The following SMARCA4 variants were observed in gnomAD, a reference collection of about 807,000 sequenced individuals.
SMARCA4 encodes the protein SWI/SNF related BAF chromatin remodeling complex subunit ATPase 4.
A neutral mutation model predicts 193.9 loss-of-function variants in SMARCA4; 31 were observed. The observed-to-expected ratio is 0.16, with a 90% CI of 0.12 to 0.22. The LOEUF is 0.22. SMARCA4 is among the 10% of genes least tolerant of loss of function. SMARCA4 has a pLI of 1.00. For missense variants in SMARCA4, 1,148 were observed against 2,296.0 expected (o/e 0.50, Z 10.22); for synonymous variants, 942 against 933.1 (o/e 1.01, Z -0.17).
Position 10,987,142 on chromosome 19 carries a change from T to A in SMARCA4, c.859+139T>A. On this transcript the variant is annotated intron_variant, in intron 5 of 34. Transcript: ENST00000344626. The surrounding 1 kb of genome is among the most constrained non-coding windows in gnomAD (Gnocchi z 5.3). ...GCAGCCTGTACTTTTCTTGTGGTGG[T>A]CCCCGGGTCTCCCCTGTAGCCAGTC... The A allele has an allele frequency of 1.5e-6, 1 of 687,034 alleles. No individual in the cohort carries two copies. Among genetic ancestry groups the A allele is most frequent in the Non-Finnish European group, 2.6e-6 (1 of 380,754 alleles). The allele number at this position is 687,034 out of a possible 1,614,324, so 42.6% of individuals were successfully genotyped here. A position where few individuals can be genotyped will look rare whatever the true frequency, so the allele number is the denominator to read the frequency against.
At chr19:11,054,317 G>A (rs2076423393) in intron 30 of SMARCA4, among the ~76,000 whole-genome samples, 1 of 152,218 alleles carries the variant, frequency 6.6e-6, no homozygotes. Flanking sequence ...GCTGGTGTGT[G>A]CCCACCTCGG....
At chr19:10,996,455 T>C (rs1292700272) in intron 10 of SMARCA4, 39 bp from the exon 11 acceptor site, 2 of 1,613,710 alleles carry the variant, frequency 1.2e-6, no homozygotes, top group African/African-American at 2.7e-5. Flanking sequence ...GCCTCAGCCT[T>C]GTGGGTCAGG....
chr19:10,996,999 T>A (rs2087122627), intron 11 of SMARCA4, among the ~76,000 whole-genome samples: 6 of 151,566 alleles, frequency 4.0e-5, no homozygotes, highest in Admixed American at 2.6e-4. Flanking sequence ...GGGATTACGG[T>A]TATGCCCCAC....
chr19:11,051,808 G>A (rs2076278233), intron 30 of SMARCA4, among the ~76,000 whole-genome samples: 2 of 151,290 alleles, frequency 1.3e-5, no homozygotes, highest in South Asian at 4.3e-4. Flanking sequence ...TATTAAAATA[G>A]CAGATGAGGC....
chr19:10,973,104 A>C (rs1028841088), intron 1 of SMARCA4, among the ~76,000 whole-genome samples: 1 of 150,338 alleles, frequency 6.7e-6, no homozygotes, highest in African/African-American at 2.5e-5. Context: ...GCCAGAGTCC[A>C]TCTACAAAAA....
chr19:10,975,014 A>C (rs894788250), intron 1 of SMARCA4, among the ~76,000 whole-genome samples: 10 of 106,266 alleles, frequency 9.4e-5, no homozygotes, highest in Non-Finnish European at 1.4e-4. Flanking sequence ...ATATATAGTT[A>C]TTCTTTTTTT....
intron 18 of SMARCA4, 95 bp from the exon 19 acceptor site, chr19:11,021,630 G>T (rs1050946707): frequency 2.0e-6 from 3 of 1,478,352 alleles, no homozygotes; most frequent in Non-Finnish European, 2.8e-6. Flanking sequence ...TCCACCTGGA[G>T]CCTTCCTGGC....
intron 1 of SMARCA4, among the ~76,000 whole-genome samples, chr19:10,975,950 T>C (rs140574774): frequency 1.3e-5 from 2 of 152,292 alleles, no homozygotes; most frequent in Non-Finnish European, 2.9e-5. Context: ...TACTAACTAT[T>C]CTTGCCCTTT....
chr19:10,974,383 C>CT (rs1209035698), intron 1 of SMARCA4, among the ~76,000 whole-genome samples: 1 of 149,730 alleles, frequency 6.7e-6, no homozygotes, highest in African/African-American at 2.5e-5. Flanking sequence ...TGATCTTTCT[C>CT]TTTTATTTCC....
At chr19:11,010,317 G>A (rs2146229341) in intron 14 of SMARCA4, 64 bp from the exon 15 acceptor site, 1 of 1,569,528 alleles carries the variant, frequency 6.4e-7, no homozygotes. Context: ...CTTGTGTCAG[G>A]AGCCAGCACA....
chr19:11,017,073 C>T (rs754479050), intron 16 of SMARCA4, among the ~76,000 whole-genome samples: 7 of 152,088 alleles, frequency 4.6e-5, no homozygotes, highest in Non-Finnish European at 8.8e-5. Flanking sequence ...GTGCACGTAT[C>T]GTCTAAAAGG....
chr19:11,034,500 C>T lies in SMARCA4; in HGVS notation c.3951+300C>T, dbSNP rs560271172. 2.6e-5 allele frequency among the ~76,000 whole-genome samples: 4 copies of T among 152,172 alleles called. No homozygotes were observed. Among genetic ancestry groups the T allele is most frequent in the Admixed American group, 1.3e-4 (2 of 15,286 alleles). Reference sequence around the variant, plus strand: ...CATGCACTCCCTTTCAGAGGGAGTTCGCCCTATCCAAGGCCAAGGGACTGA... The same window carrying T: ...CATGCACTCCCTTTCAGAGGGAGTTTGCCCTATCCAAGGCCAAGGGACTGA... On this transcript the variant is annotated intron_variant, in intron 28 of 34. Coordinates refer to ENST00000344626, the MANE Select transcript of SMARCA4 (RefSeq NM_003072.5). The surrounding 1 kb of genome is among the most constrained non-coding windows in gnomAD (Gnocchi z 7.0).
Position 11,058,255 on chromosome 19 carries a change from C to T in SMARCA4, c.4425C>T (p.Ser1475=), listed in dbSNP as rs2147084582. 6.2e-7 allele frequency: 1 copy of T among 1,610,094 alleles called. No individual in the cohort carries two copies. Among genetic ancestry groups the T allele is most frequent in the Non-Finnish European group, 8.5e-7 (1 of 1,178,132 alleles). The change falls in exon 31 of 35, where the codon AGC becomes AGT. Residue 1475 remains serine, a splice_region_variant and synonymous_variant. Coordinates refer to ENST00000344626, the MANE Select transcript of SMARCA4 (RefSeq NM_003072.5). The surrounding 1 kb of genome is among the most constrained non-coding windows in gnomAD (Gnocchi z 5.8). ...IVDAVIKYKD[S]SSGRQLSEVF... ...GATAGCCGCCGGTTCTGCCTTGCAGCAGCAGTGGACGTCAGCTCAGCGAGG... is the reference window on the plus strand; with the variant it reads ...GATAGCCGCCGGTTCTGCCTTGCAGTAGCAGTGGACGTCAGCTCAGCGAGG...
intron 14 of SMARCA4, 98 bp downstream of exon 14, chr19:11,008,121 C>A (rs1196933735): frequency 1.6e-6 from 2 of 1,246,426 alleles, no homozygotes; most frequent in Non-Finnish European, 2.3e-6. Context: ...TGACATTCAG[C>A]ACTGTCCAGC....
At chr19:10,976,008 T>G (rs2085095838) in intron 1 of SMARCA4, among the ~76,000 whole-genome samples, 1 of 152,152 alleles carries the variant, frequency 6.6e-6, no homozygotes, top group Non-Finnish European at 1.5e-5. Context: ...TGAGTAGGTG[T>G]GGCCTCCTGG....
At chr19:11,059,010 C>T (rs1285150223) in intron 32 of SMARCA4, 121 bp downstream of exon 32, 8 of 793,740 alleles carry the variant, frequency 1.0e-5, no homozygotes, top group Admixed American at 2.0e-5. Flanking sequence ...TGTGGTGGTT[C>T]GTGCCTGTAA....
At chr19:11,004,650 G>C (rs1850980501) in intron 13 of SMARCA4, among the ~76,000 whole-genome samples, 1 of 152,102 alleles carries the variant, frequency 6.6e-6, no homozygotes, top group Non-Finnish European at 1.5e-5. Flanking sequence ...AACAGCATAT[G>C]GGTTTTGCAT....
chr19:11,046,210 G>A (rs570545627), intron 30 of SMARCA4, among the ~76,000 whole-genome samples: 4 of 149,768 alleles, frequency 2.7e-5, no homozygotes, highest in South Asian at 2.1e-4. Context: ...GCGACAGAGC[G>A]AGACTCCGTC....
chr19:11,029,523 C>T (rs1302117523), intron 24 of SMARCA4, among the ~76,000 whole-genome samples: 1 of 152,260 alleles, frequency 6.6e-6, no homozygotes, highest in African/African-American at 2.4e-5. Context: ...GCCGGGTGGC[C>T]CCTCACCTCA....
Sources: allele counts gnomAD v4.1 joint callset (sites outside exome capture counted in the v4.1 genomes callset), GRCh38; gene constraint gnomAD v4.1.1; non-coding constraint Gnocchi (gnomAD v3.1); transcripts MANE v1.5; gene names NCBI Gene and HGNC (gene_info 2026-07-23, HGNC 2026-07-21).